PHYKPL: variants seen among roughly 807,000 people sequenced by gnomAD.
PHYKPL encodes 5-phosphonooxy-L-lysine phospho-lyase.
Under a neutral mutation model 51.3 loss-of-function variants are expected in PHYKPL, and 42 were observed. The observed-to-expected ratio is 0.82, with a 90% CI of 0.64 to 1.06. The LOEUF (loss-of-function observed/expected upper bound fraction) is 1.06. Ranked by LOEUF, PHYKPL falls within the 50% of genes least tolerant of loss-of-function variation. The pLI, the probability that PHYKPL is intolerant of heterozygous loss-of-function variation, is 0.00. For missense variants in PHYKPL, 655 were observed against 586.6 expected (o/e 1.12, Z -1.20); for synonymous variants, 264 against 236.0 (o/e 1.12, Z -1.09).
Position 178,211,919 on chromosome 5 carries a change from G to A in PHYKPL, c.*2C>T. On this transcript the variant is annotated 3_prime_UTR_variant, in exon 12 of 13. Coordinates refer to ENST00000308158, the MANE Select transcript of PHYKPL (RefSeq NM_153373.4). ...AGTACACTTAGGCAGAGCAGGGCTGGCTTAGGGCTGGAGCCTCAGCGTTTC... is the reference window on the plus strand; with the variant it reads ...AGTACACTTAGGCAGAGCAGGGCTGACTTAGGGCTGGAGCCTCAGCGTTTC... 3 of 1,614,176 alleles carry A rather than the reference G, an allele frequency of 1.9e-6. No homozygotes were observed. The highest frequency in any genetic ancestry group is 2.5e-6 in the Non-Finnish European group (3 of 1,180,002).
chr5:178,214,434 GAA>G (rs1759323643), intron 10 of PHYKPL, among the ~76,000 whole-genome samples: 1 of 152,150 alleles, frequency 6.6e-6, no homozygotes, highest in African/African-American at 2.4e-5. Context: ...TATGAATAGA[GAA>G]GGTGTTTCCC....
chr5:178,224,399 G>A, intron 6 of PHYKPL, 49 bp downstream of exon 6: 1 of 1,495,416 alleles, frequency 6.7e-7, no homozygotes, highest in South Asian at 1.3e-5. Flanking sequence ...GGTGACAACG[G>A]AGGTGACATT....
At chr5:178,210,771 T>C (rs554325892) in intron 12 of PHYKPL, 2 of 672,282 alleles carry the variant, frequency 3.0e-6, no homozygotes, top group African/African-American at 3.5e-5. Flanking sequence ...GAAATCACTC[T>C]CCTGTTGACT....
rs755092618 is a variant in PHYKPL, at chr5:178,210,307, C to T, written c.*32-1392G>A. 2.5e-6 allele frequency: 4 copies of T among 1,613,462 alleles called. No homozygotes were observed. In the African/African-American group the frequency reaches 5.3e-5, roughly 22 times the overall value. Reference sequence around the variant, plus strand: ...AGAGAGGGAGGCCCCATCCGCTCACCCCTCGTCCCCAGGGGAGGCAGGACA... The same window carrying T: ...AGAGAGGGAGGCCCCATCCGCTCACTCCTCGTCCCCAGGGGAGGCAGGACA... On this transcript the variant is annotated intron_variant, in intron 12 of 12. Coordinates refer to ENST00000308158, the MANE Select transcript of PHYKPL (RefSeq NM_153373.4).
In PHYKPL at chr5:178,230,042, T is replaced by C; in HGVS notation, c.236A>G (p.Asn79Ser). The change falls in exon 3 of 13, where the codon AAC (asparagine) becomes AGC (serine). Residue 79 changes from asparagine to serine, a missense_variant. Physicochemically the swap from Asn to Ser is conservative, Grantham distance 46 (BLOSUM62 1). Coordinates refer to ENST00000308158, the MANE Select transcript of PHYKPL (RefSeq NM_153373.4). ...GTCATGCAGGTACCGGCTGTTGGTG[T>C]TGAGCACCTGGTTCTGCTCATGTGC... ...QAAHEQNQVLNTNSRYLHDNI... is the reference protein window; with the variant it reads ...QAAHEQNQVLSTNSRYLHDNI... 1.2e-6 allele frequency: 2 copies of C among 1,614,220 alleles called. No individual in the cohort carries two copies. Among genetic ancestry groups the C allele is most frequent in the South Asian group, 1.1e-5 (1 of 91,088 alleles).
rs76480470 is a variant in PHYKPL, at chr5:178,224,962, T to C, written c.414-233A>G. The C allele has an allele frequency of 2.8e-3, 1,603 of 573,746 alleles. 29 individuals are homozygous for C. Among genetic ancestry groups the C allele is most frequent in the African/African-American group, 0.027 (1,436 of 53,586 alleles). 35.5% of individuals were successfully genotyped at this position (573,746 alleles called of 1,614,324 possible). On this transcript the variant is annotated intron_variant, in intron 4 of 12. Transcript: ENST00000308158. Reference sequence around the variant, plus strand: ...CATCATTTAATCTCTCTCGGTTGTTTTCTCTGCTGTGAAATGAGGTGGGAT... The same window carrying C: ...CATCATTTAATCTCTCTCGGTTGTTCTCTCTGCTGTGAAATGAGGTGGGAT...
Position 178,213,056 on chromosome 5 carries a change from T to G in PHYKPL, c.1220A>C (p.Asn407Thr). Reference protein sequence around the residue: ...VLLSTDGPGRNILKFKPPMCF... With the variant: ...VLLSTDGPGRTILKFKPPMCF... ...CATTGGGGGCTTAAACTTCAGGATG[T>G]TCCTCCCAGGGCCATCAGTGCTCAG... Residue 407 changes from asparagine (N) to threonine (T), a missense_variant, in exon 11 of 13, where the codon AAC (asparagine) becomes ACC (threonine). Asn to Thr is a moderately conservative substitution (Grantham distance 65). Coordinates refer to ENST00000308158, the MANE Select transcript of PHYKPL (RefSeq NM_153373.4). The G allele has an allele frequency of 6.2e-7, 1 of 1,614,210 alleles. No individual in the cohort carries two copies. Among genetic ancestry groups the G allele is most frequent in the African/African-American group, 1.3e-5 (1 of 75,060 alleles).
chr5:178,214,387 T>C (rs1759310387), intron 10 of PHYKPL, among the ~76,000 whole-genome samples: 1 of 152,120 alleles, frequency 6.6e-6, no homozygotes, highest in Non-Finnish European at 1.5e-5. Context: ...TCGTGCGGCA[T>C]GGGAACCCTG....
At chr5:178,213,237 G>T in intron 10 of PHYKPL, 134 bp from the exon 11 acceptor site, 1 of 1,220,616 alleles carries the variant, frequency 8.2e-7, no homozygotes, top group Non-Finnish European at 1.1e-6. Context: ...CATTTTACTG[G>T]TCACCTCTCC....
intron 1 of PHYKPL, 64 bp downstream of exon 1, chr5:178,232,424 GCGTC>G (rs1763689910): frequency 2.2e-6 from 3 of 1,361,994 alleles, no homozygotes; most frequent in Non-Finnish European, 2.8e-6. Context: ...GTGCGTGCGT[GCGTC>G]GTGCGTGCGC....
chr5:178,216,006 C>T (rs915816659), intron 8 of PHYKPL: 2 of 152,246 alleles, frequency 1.3e-5, no homozygotes, highest in African/African-American at 4.8e-5. Context: ...TCTTTAAAAA[C>T]ATCAGCTTTG....
chr5:178,220,375 A>G (rs1028377391), intron 8 of PHYKPL, among the ~76,000 whole-genome samples: 52 of 151,160 alleles, frequency 3.4e-4, no homozygotes, highest in Admixed American at 3.4e-3. Flanking sequence ...CATGCCTGTA[A>G]TCCCAGCTAC....
At position 178,224,715 on chromosome 5, in the gene PHYKPL, T is replaced by C; in HGVS notation, c.428A>G (p.His143Arg). The C allele has an allele frequency of 3.1e-6, 5 of 1,613,932 alleles. No individual in the cohort carries two copies. The highest frequency in any genetic ancestry group is 4.2e-6 in the Non-Finnish European group (5 of 1,179,890). Residue 143 changes from histidine (H) to arginine (R), a missense_variant, in exon 5 of 13, where the codon CAC (histidine) becomes CGC (arginine). Transcript: ENST00000308158. ...ACTGATGTCAATCAGGGAGCTCAGG[T>C]GGCCGTGATACGCACTGGGGAGGAG... Reference protein sequence around the residue: ...VVVLDHAYHGHLSSLIDISPY... With the variant: ...VVVLDHAYHGRLSSLIDISPY...
Position 178,232,704 on chromosome 5 carries a change from G to T in PHYKPL, c.-154C>A. The T allele has an allele frequency of 1.2e-6, 1 of 857,958 alleles. No individual in the cohort carries two copies. 53.1% of individuals were successfully genotyped at this position (857,958 alleles called of 1,614,324 possible). On this transcript the variant is annotated 5_prime_UTR_variant, in exon 1 of 13. Coordinates refer to ENST00000308158, the MANE Select transcript of PHYKPL (RefSeq NM_153373.4). Reference sequence around the variant, plus strand: ...CCCCGCCCCGAAGCGCCCGCGTTGCGGTGGTTCATTTCTTCGCTTGCCCAC... The same window carrying T: ...CCCCGCCCCGAAGCGCCCGCGTTGCTGTGGTTCATTTCTTCGCTTGCCCAC...
intron 11 of PHYKPL, among the ~76,000 whole-genome samples, 194 bp from the exon 12 acceptor site, chr5:178,212,164 G>A (rs1379629582): frequency 6.6e-6 from 1 of 152,228 alleles, no homozygotes; most frequent in African/African-American, 2.4e-5. Context: ...CCTGAGATTT[G>A]TAGGCTCTGT....
At chr5:178,209,551 G>C in intron 12 of PHYKPL, 1 of 966,106 alleles carries the variant, frequency 1.0e-6, no homozygotes, top group Non-Finnish European at 1.6e-6. Flanking sequence ...GGGGTGGGCA[G>C]ATTGTGTGAG....
intron 11 of PHYKPL, among the ~76,000 whole-genome samples, chr5:178,212,460 G>A (rs1385503264): frequency 1.3e-5 from 2 of 152,228 alleles, no homozygotes; most frequent in African/African-American, 4.8e-5. Flanking sequence ...CCTTGTAAGT[G>A]GATTTAGGGG....
intron 3 of PHYKPL, chr5:178,228,429 A>G (rs1261298574): frequency 3.1e-6 from 2 of 651,886 alleles, no homozygotes; most frequent in Non-Finnish European, 5.5e-6. Context: ...GCAACATGGA[A>G]GTCCCTGGAA....
intron 6 of PHYKPL, 102 bp downstream of exon 6, chr5:178,224,346 C>T (rs1020903350): frequency 1.6e-6 from 2 of 1,248,088 alleles, no homozygotes; most frequent in Non-Finnish European, 2.2e-6. Context: ...GGCAGGGCCT[C>T]GTTTGGTTTT....
Sources: gnomAD v4.1 joint callset for allele counts (sites outside exome capture counted in the v4.1 genomes callset) on GRCh38, gnomAD v4.1.1 for gene constraint, MANE v1.5 for transcripts, NCBI Gene and HGNC (gene_info 2026-07-23, HGNC 2026-07-21) for gene names.